MYSM1: variants seen among roughly 807,000 people sequenced by gnomAD.
MYSM1 encodes Myb like, SWIRM and MPN domains 1.
Under a neutral mutation model 116.0 loss-of-function variants are expected in MYSM1, and 51 were observed. The observed-to-expected ratio is 0.44, with a 90% CI of 0.35 to 0.56. The LOEUF is 0.56. Among genes scored for constraint, MYSM1 ranks in the 20% least tolerant of loss-of-function variants. MYSM1 has a pLI of 0.00. For synonymous variants in MYSM1, 313 were observed against 315.2 expected, an observed-to-expected ratio of 0.99 and a Z score of 0.07; for missense variants, 900 against 974.9, an observed-to-expected ratio of 0.92 and a Z score of 1.02.
At chr1:58,697,255 T>G (rs1172790064) in intron 1 of MYSM1, among the ~76,000 whole-genome samples, 1 of 134,626 alleles carries the variant, frequency 7.4e-6, no homozygotes, top group East Asian at 2.2e-4. Flanking sequence ...AGTGAAGAGA[T>G]CTGGTGGGGA....
At chr1:58,676,286 TGCGCCTGTAGTCCCA>T (rs1644650552) in intron 9 of MYSM1, among the ~76,000 whole-genome samples, 1 of 151,678 alleles carries the variant, frequency 6.6e-6, no homozygotes, top group South Asian at 2.1e-4. Flanking sequence ...TGTGGTGGCA[TGCGCCTGTAGTCCCA>T]GCTACTCTGG....
chr1:58,684,481 C>T (rs1189906033), intron 7 of MYSM1, among the ~76,000 whole-genome samples: 1 of 148,884 alleles, frequency 6.7e-6, no homozygotes, highest in Non-Finnish European at 1.5e-5. Flanking sequence ...AGGAGAATGG[C>T]GTGAACCTGG....
intron 1 of MYSM1, among the ~76,000 whole-genome samples, chr1:58,698,102 AT>A (rs1553140002): frequency 6.4e-4 from 5 of 7,770 alleles, no homozygotes; most frequent in East Asian, 0.011. Flanking sequence ...ATATATATAT[AT>A]TTTTTTTTTT....
chr1:58,695,135 G>A lies in MYSM1; in HGVS notation c.141C>T (p.Gly47=), dbSNP rs1644956503. 11 of 1,587,538 alleles carry A rather than the reference G, an allele frequency of 6.9e-6. No homozygotes were observed. The highest frequency in any genetic ancestry group is 9.5e-6 in the Non-Finnish European group (11 of 1,157,198). Residue 47 remains glycine (G), a synonymous_variant, in exon 2 of 20, where the codon GGC becomes GGT. Coordinates refer to ENST00000472487, the MANE Select transcript of MYSM1 (RefSeq NM_001085487.3). ...ATTTTTATAAAATACTTACAATAAG[G>A]CCATTCTCTGTTCTCCAAGATGAAT... ...YLDSSWRTEN[G]LIPWTLDNTI...
intron 8 of MYSM1, among the ~76,000 whole-genome samples, chr1:58,680,375 T>TA (rs2100644237): frequency 6.6e-6 from 1 of 152,312 alleles, no homozygotes; most frequent in African/African-American, 2.4e-5. Context: ...AGGATTGTTT[T>TA]AAAAAATCAA....
chr1:58,682,055 C>A lies in MYSM1; in HGVS notation c.989G>T (p.Gly330Val). Residue 330 changes from glycine to valine, a missense_variant, in exon 8 of 20, where the codon GGA becomes GTA. By Grantham distance (109) the Gly-to-Val change is moderately radical. Coordinates refer to ENST00000472487, the MANE Select transcript of MYSM1 (RefSeq NM_001085487.3). ...CAACTGCCTGGCATCAACTATTATT[C>A]CCCTTCCATCATGCTTGTTGCAGTT... ...IKNCNKHDGR[G>V]IIVDARQLPS... 1 of 1,614,138 alleles carries A rather than the reference C, an allele frequency of 6.2e-7. No individual in the cohort carries two copies. The highest frequency in any genetic ancestry group is 8.5e-7 in the Non-Finnish European group (1 of 1,180,020).
chr1:58,670,185 T>C (rs1015389131), intron 12 of MYSM1, among the ~76,000 whole-genome samples: 1 of 152,162 alleles, frequency 6.6e-6, no homozygotes, highest in African/African-American at 2.4e-5. Context: ...TCAAAGATAC[T>C]TGTTGAATAA....
chr1:58,693,341 A>G (rs534884933), intron 2 of MYSM1, among the ~76,000 whole-genome samples: 2 of 152,238 alleles, frequency 1.3e-5, no homozygotes, highest in South Asian at 4.1e-4. Flanking sequence ...CTCATTTTCA[A>G]CGCTCCAAGT....
chr1:58,662,548 C>T (rs1008398403), intron 17 of MYSM1, among the ~76,000 whole-genome samples: 1 of 149,388 alleles, frequency 6.7e-6, no homozygotes, highest in African/African-American at 2.5e-5. Flanking sequence ...AGGATTTGAA[C>T]CCAGGCAGTC....
At chr1:58,668,723 A>C (rs1005151069) in intron 13 of MYSM1, 41 bp from the exon 14 acceptor site, 2 of 1,559,778 alleles carry the variant, frequency 1.3e-6, no homozygotes, top group Non-Finnish European at 1.7e-6. Flanking sequence ...GAGCATAAAA[A>C]TAGAGATTTT....
At chr1:58,676,104 G>A (rs959001820) in intron 9 of MYSM1, among the ~76,000 whole-genome samples, 1 of 152,182 alleles carries the variant, frequency 6.6e-6, no homozygotes, top group African/African-American at 2.4e-5. Context: ...AGCTATGAAT[G>A]GTTGTGTCAT....
chr1:58,659,010 A>G lies in MYSM1; in HGVS notation c.*987T>C, dbSNP rs1476245569. The G allele has an allele frequency of 7.3e-6, 1 of 136,992 alleles. No homozygotes were observed. Among genetic ancestry groups the G allele is most frequent in the African/African-American group, 2.6e-5 (1 of 38,482 alleles). The allele number at this position is 136,992 out of a possible 1,614,324, so 8.5% of individuals were successfully genotyped here. ...ACACACACACAAAGAAGAATGTCTC[A>G]TAGACATCATATGTGGCCTGAAAAG... On this transcript the variant is annotated 3_prime_UTR_variant, in exon 20 of 20. Transcript: ENST00000472487.
intron 17 of MYSM1, among the ~76,000 whole-genome samples, chr1:58,664,407 C>T (rs1644438004): frequency 6.6e-6 from 1 of 152,134 alleles, no homozygotes; most frequent in Non-Finnish European, 1.5e-5. Context: ...AGATGCAAAG[C>T]AATTTATTAG....
rs561594749 is a variant in MYSM1, at chr1:58,659,757, C to T, written c.*240G>A. 3.3e-6 allele frequency: 1 copy of T among 302,234 alleles called. No individual in the cohort carries two copies. The highest frequency in any genetic ancestry group is 8.8e-5 in the South Asian group (1 of 11,396). The allele number at this position is 302,234 out of a possible 1,614,324, so 18.7% of individuals were successfully genotyped here. A position where few individuals can be genotyped will look rare whatever the true frequency, so the allele number is the denominator to read the frequency against. On this transcript the variant is annotated 3_prime_UTR_variant, in exon 20 of 20. Transcript: ENST00000472487. ...CTTAGTTTCACAGCCTACAGCATTG[C>T]TCAGTAAAGGACTAGAACACCGTGG...
chr1:58,663,241 A>T (rs1644420478), intron 17 of MYSM1, among the ~76,000 whole-genome samples: 2 of 152,314 alleles, frequency 1.3e-5, no homozygotes, highest in South Asian at 4.1e-4. Flanking sequence ...AAACATGAAA[A>T]CATACACACA....
intron 12 of MYSM1, among the ~76,000 whole-genome samples, chr1:58,669,520 T>C (rs534466412): frequency 2.0e-5 from 3 of 152,214 alleles, no homozygotes; most frequent in Admixed American, 1.3e-4. Flanking sequence ...ATTACTCCTA[T>C]CATAAACTCT....
chr1:58,699,522 G>T, intron 1 of MYSM1: 2 of 620,138 alleles, frequency 3.2e-6, no homozygotes, highest in Non-Finnish European at 4.0e-6. Flanking sequence ...AAGTCAACCT[G>T]CTTCTCGGGA....
intron 8 of MYSM1, 32 bp from the exon 9 acceptor site, chr1:58,677,088 G>A: frequency 6.5e-7 from 1 of 1,547,366 alleles, no homozygotes; most frequent in Non-Finnish European, 8.7e-7. Context: ...AATTATTTTG[G>A]ATAAATAAAA....
intron 16 of MYSM1, 139 bp downstream of exon 16, chr1:58,666,899 A>C (rs1644481132): frequency 2.5e-6 from 1 of 403,636 alleles, no homozygotes; most frequent in Non-Finnish European, 4.2e-6. Flanking sequence ...AATAAAAATA[A>C]ATAAAAATAA....
Sources: gnomAD v4.1 joint callset for allele counts (sites outside exome capture counted in the v4.1 genomes callset) on GRCh38, gnomAD v4.1.1 for gene constraint, MANE v1.5 for transcripts, NCBI Gene and HGNC (gene_info 2026-07-23, HGNC 2026-07-21) for gene names.